MEI4: variants seen among roughly 807,000 people sequenced by gnomAD.
The protein encoded by MEI4 is meiosis-specific protein MEI4.
Under a neutral mutation model 31.4 loss-of-function variants are expected in MEI4, and 27 were observed. That is an observed-to-expected ratio of 0.86 (90% CI 0.63 to 1.19). MEI4 has a LOEUF of 1.19. Ranked by LOEUF, MEI4 falls within the 50% of genes most tolerant of loss-of-function variation. The pLI, the probability that MEI4 is intolerant of heterozygous loss-of-function variation, is 0.00. For missense variants in MEI4, 329 were observed against 398.9 expected (o/e 0.82, Z 1.49); for synonymous variants, 122 against 145.4 (o/e 0.84, Z 1.16).
At chr6:77,688,496 G>A (rs1420458784) in intron 1 of MEI4, among the ~76,000 whole-genome samples, 1 of 152,108 alleles carries the variant, frequency 6.6e-6, no homozygotes, top group Non-Finnish European at 1.5e-5. Flanking sequence ...TATTCAGCAT[G>A]ATTTTAAGAC....
intron 3 of MEI4, among the ~76,000 whole-genome samples, chr6:77,807,010 G>T (rs994879412): frequency 3.9e-5 from 6 of 152,040 alleles, no homozygotes; most frequent in African/African-American, 1.4e-4. Context: ...TGATCATTTT[G>T]CTATTTTGCT....
intron 4 of MEI4, among the ~76,000 whole-genome samples, chr6:77,892,393 C>T (rs1182591790): frequency 6.6e-6 from 1 of 152,102 alleles, no homozygotes; most frequent in Non-Finnish European, 1.5e-5. Flanking sequence ...TCCTATCCCC[C>T]ACTGGTACAC....
chr6:77,874,256 T>C (rs897379467), intron 4 of MEI4, among the ~76,000 whole-genome samples: 2 of 152,202 alleles, frequency 1.3e-5, no homozygotes, highest in Admixed American at 6.5e-5. Flanking sequence ...GTTCTTCCAT[T>C]TGTTTGTATC....
intron 4 of MEI4, among the ~76,000 whole-genome samples, chr6:77,843,291 G>T (rs1311248839): frequency 2.6e-5 from 4 of 151,914 alleles, no homozygotes; most frequent in African/African-American, 4.8e-5. Flanking sequence ...AATTTTAATT[G>T]CATTTATTAT....
At chr6:77,756,070 C>A (rs1420951564) in intron 2 of MEI4, among the ~76,000 whole-genome samples, 2 of 152,070 alleles carry the variant, frequency 1.3e-5, no homozygotes, top group Admixed American at 6.6e-5. Flanking sequence ...CTTTCTTAGC[C>A]ATGCTTTGAG....
intron 1 of MEI4, among the ~76,000 whole-genome samples, chr6:77,654,493 G>T (rs1297234071): frequency 1.4e-5 from 2 of 144,866 alleles, no homozygotes; most frequent in African/African-American, 2.6e-5. Flanking sequence ...TTATCTGTGG[G>T]TTCTTTATCC....
intron 2 of MEI4, among the ~76,000 whole-genome samples, chr6:77,701,523 G>A (rs1456462105): frequency 6.6e-6 from 1 of 151,998 alleles, no homozygotes; most frequent in East Asian, 1.9e-4. Flanking sequence ...TCAGGTATGT[G>A]CCTTTTCGCC....
At chr6:77,813,216 G>T (rs188350877) in intron 3 of MEI4, among the ~76,000 whole-genome samples, 25 of 152,158 alleles carry the variant, frequency 1.6e-4, no homozygotes, top group South Asian at 2.1e-4. Context: ...AGTAAATTAT[G>T]CATGGTCCCA....
intron 2 of MEI4, among the ~76,000 whole-genome samples, chr6:77,726,598 G>A (rs1189875856): frequency 6.6e-6 from 1 of 152,134 alleles, no homozygotes; most frequent in Non-Finnish European, 1.5e-5. Context: ...TTCTTATGAG[G>A]TTTGCCCTAA....
At chr6:77,791,166 G>T (rs6935234) in intron 3 of MEI4, among the ~76,000 whole-genome samples, 23,949 of 151,946 alleles carry the variant, frequency 0.16, 2,268 homozygotes, top group East Asian at 0.39. Flanking sequence ...ATTTGACCCA[G>T]CCATCCCATT....
chr6:77,874,994 G>A (rs1464854641), intron 4 of MEI4, among the ~76,000 whole-genome samples: 1 of 152,158 alleles, frequency 6.6e-6, no homozygotes, highest in East Asian at 1.9e-4. Flanking sequence ...AAACTAAGTG[G>A]TCATAGCTGA....
At chr6:77,762,007 A>G (rs867900818) in intron 3 of MEI4, among the ~76,000 whole-genome samples, 21 of 152,322 alleles carry the variant, frequency 1.4e-4, no homozygotes, top group Admixed American at 3.3e-4. Flanking sequence ...AACTTTTGAG[A>G]AAACTGCTAA....
At chr6:77,679,819 C>A in intron 1 of MEI4, among the ~76,000 whole-genome samples, 1 of 151,476 alleles carries the variant, frequency 6.6e-6, no homozygotes, top group Non-Finnish European at 1.5e-5. Context: ...CGGCTCACTG[C>A]AACCTCCGCC....
chr6:77,829,638 A>G (rs2127711517), intron 4 of MEI4, among the ~76,000 whole-genome samples: 1 of 152,284 alleles, frequency 6.6e-6, no homozygotes, highest in African/African-American at 2.4e-5. Flanking sequence ...AGTCTTCTAT[A>G]TCACTGGTGA....
At chr6:77,715,844 G>A (rs1483049) in intron 2 of MEI4, among the ~76,000 whole-genome samples, 4,954 of 152,044 alleles carry the variant, frequency 0.033, 354 homozygotes, top group East Asian at 0.31. Flanking sequence ...ATTCAATGGC[G>A]AAATGAAAGG....
intron 3 of MEI4, among the ~76,000 whole-genome samples, chr6:77,805,637 T>G (rs1219638246): frequency 2.6e-5 from 4 of 152,108 alleles, no homozygotes; most frequent in Non-Finnish European, 4.4e-5. Flanking sequence ...CAGGAAAATA[T>G]TTGTAAATAA....
chr6:77,787,165 G>T (rs1414046313), intron 3 of MEI4, among the ~76,000 whole-genome samples: 1 of 151,868 alleles, frequency 6.6e-6, no homozygotes, highest in Admixed American at 6.6e-5. Flanking sequence ...CACTGAAGCA[G>T]CCAGGTTATC....
At chr6:77,699,763 G>T (rs941477901) in intron 2 of MEI4, among the ~76,000 whole-genome samples, 6 of 152,112 alleles carry the variant, frequency 3.9e-5, no homozygotes, top group Admixed American at 3.9e-4. Context: ...TTTTGGTGTG[G>T]ATGTCGTTTC....
At chr6:77,824,223 G>T (rs2127709664) in intron 3 of MEI4, among the ~76,000 whole-genome samples, 1 of 152,226 alleles carries the variant, frequency 6.6e-6, no homozygotes, top group Admixed American at 6.5e-5. Context: ...CCAAGTAGCT[G>T]GGATTACAGG....
Sources: allele counts gnomAD v4.1 joint callset (sites outside exome capture counted in the v4.1 genomes callset), GRCh38; gene constraint gnomAD v4.1.1; transcripts MANE v1.5; gene names NCBI Gene and HGNC (gene_info 2026-07-23, HGNC 2026-07-21).